The following USP14 variants were observed in gnomAD, a reference collection of about 807,000 sequenced individuals.
USP14 encodes the protein ubiquitin specific peptidase 14.
A neutral mutation model predicts 76.5 loss-of-function variants in USP14; 38 were observed. The observed-to-expected ratio is 0.50, with a 90% confidence interval of 0.38 to 0.65. The LOEUF is 0.65. Among genes scored for constraint, USP14 ranks in the 30% least tolerant of loss-of-function variants. USP14 has a pLI of 0.00. For synonymous variants in USP14, 192 were observed against 191.7 expected (o/e 1.00, Z -0.01); for missense variants, 467 against 586.5 (o/e 0.80, Z 2.10).
intron 3 of USP14, among the ~76,000 whole-genome samples, chr18:174,124 G>A (rs1909555150): frequency 6.6e-6 from 1 of 152,026 alleles, no homozygotes; most frequent in Non-Finnish European, 1.5e-5. Flanking sequence ...GAATTGCATT[G>A]AATCTGTATG....
At chr18:167,258 G>A (rs1474635726) in intron 3 of USP14, among the ~76,000 whole-genome samples, 3 of 152,124 alleles carry the variant, frequency 2.0e-5, no homozygotes, top group Admixed American at 1.3e-4. Context: ...CTCCAGCCTG[G>A]CAACAGAGCG....
Position 178,932 on chromosome 18 carries a change from G to T in USP14, c.196-1G>T. On this transcript the variant is annotated splice_acceptor_variant, in intron 3 of 15. Coordinates refer to ENST00000261601, the MANE Select transcript of USP14 (RefSeq NM_005151.4). LOFTEE classifies it high-confidence loss of function. Reference sequence around the variant, plus strand: ...CATGAAATTACTTTTTTTAAAAACAGGGAATGACTCTACTAATGATGGGGT... The same window carrying T: ...CATGAAATTACTTTTTTTAAAAACATGGAATGACTCTACTAATGATGGGGT... 1 of 1,598,212 alleles carries T rather than the reference G, an allele frequency of 6.3e-7. No homozygotes were observed. The highest frequency in any genetic ancestry group is 1.1e-5 in the South Asian group (1 of 87,748).
chr18:177,789 A>C (rs1398617676), intron 3 of USP14, among the ~76,000 whole-genome samples: 1 of 152,014 alleles, frequency 6.6e-6, no homozygotes. Flanking sequence ...TTGTCTTTCT[A>C]TTGATTGTAT....
Position 210,441 on chromosome 18 carries a change from G to T in USP14, c.1281G>T (p.Gln427His). ...ACTTACAAGCAGTACTAACACACCA[G>T]GGAAGGTCTAGTTCTTCAGGTCATT... ...YYDLQAVLTH[Q>H]GRSSSSGHYV... The change falls in exon 15 of 16, where the codon CAG becomes CAT. Residue 427 changes from glutamine to histidine, a missense_variant. Transcript: ENST00000261601. The T allele has an allele frequency of 6.2e-7, 1 of 1,612,318 alleles. No homozygotes were observed. Among genetic ancestry groups the T allele is most frequent in the Non-Finnish European group, 8.5e-7 (1 of 1,179,120 alleles).
chr18:167,121 C>T (rs1335239392), intron 3 of USP14, among the ~76,000 whole-genome samples: 10 of 151,814 alleles, frequency 6.6e-5, no homozygotes, highest in African/African-American at 1.9e-4. Flanking sequence ...TGGTGGTGCA[C>T]GCCTGTAATC....
intron 5 of USP14, among the ~76,000 whole-genome samples, chr18:192,581 A>C (rs1910120007): frequency 6.6e-6 from 1 of 152,210 alleles, no homozygotes; most frequent in Non-Finnish European, 1.5e-5. Flanking sequence ...ATAAAAAATA[A>C]AATAAAATGT....
chr18:210,250 T>C, intron 14 of USP14, 136 bp from the exon 15 acceptor site: 4 of 728,228 alleles, frequency 5.5e-6, no homozygotes, highest in Non-Finnish European at 8.9e-6. Context: ...GCCTTAACTA[T>C]GATTGGACAG....
At chr18:169,960 G>A (rs1321951997) in intron 3 of USP14, among the ~76,000 whole-genome samples, 1 of 151,858 alleles carries the variant, frequency 6.6e-6, no homozygotes, top group Non-Finnish European at 1.5e-5. Flanking sequence ...CCCTCTTCTC[G>A]AGCCTCCCTA....
intron 7 of USP14, 103 bp from the exon 8 acceptor site, chr18:197,513 G>A (rs1910269494): frequency 1.2e-6 from 1 of 864,860 alleles, no homozygotes; most frequent in African/African-American, 1.7e-5. Context: ...TATTTTTAAA[G>A]AAGGAAACCA....
intron 12 of USP14, among the ~76,000 whole-genome samples, chr18:203,616 C>CT (rs773356989): frequency 0.069 from 10,073 of 146,614 alleles, 346 homozygotes; most frequent in Non-Finnish European, 0.086. Context: ...TGGTTTCTTT[C>CT]TTTTTTTTTT....
At chr18:197,942 G>A (rs1910283318) in intron 8 of USP14, 105 bp from the exon 9 acceptor site, 1 of 953,470 alleles carries the variant, frequency 1.0e-6, no homozygotes, top group South Asian at 2.1e-5. Context: ...TTTACTGTAA[G>A]GGACTACATT....
intron 2 of USP14, among the ~76,000 whole-genome samples, 166 bp downstream of exon 2, chr18:163,619 G>A (rs1406510649): frequency 2.0e-5 from 3 of 152,010 alleles, no homozygotes; most frequent in African/African-American, 7.3e-5. Flanking sequence ...TTAGAGTAAG[G>A]GAGAAATATT....
At chr18:188,730 T>G (rs905092866) in intron 5 of USP14, among the ~76,000 whole-genome samples, 2 of 152,104 alleles carry the variant, frequency 1.3e-5, no homozygotes, top group African/African-American at 4.8e-5. Flanking sequence ...CAGGCTGGAG[T>G]GCAGTGGCAT....
intron 3 of USP14, among the ~76,000 whole-genome samples, chr18:170,410 T>C (rs544330229): frequency 8.5e-5 from 13 of 152,276 alleles, no homozygotes; most frequent in Non-Finnish European, 1.5e-4. Flanking sequence ...AAGCTAGAAA[T>C]GATTAAGCTT....
At position 211,046 on chromosome 18, in the gene USP14, C is replaced by T; in HGVS notation, c.1334-87C>T. The T allele has an allele frequency of 2.9e-6, 4 of 1,397,780 alleles. No homozygotes were observed. In the South Asian group the frequency reaches 5.4e-5, roughly 19 times the overall value. 86.6% of individuals were successfully genotyped at this position (1,397,780 alleles called of 1,614,324 possible). A position where few individuals can be genotyped will look rare whatever the true frequency, so the allele number is the denominator to read the frequency against. ...TGTGGCCAGTGGAGCACTGCTGTGC[C>T]TCCGATGACTTGATACTTTTTTTGC... On this transcript the variant is annotated intron_variant, in intron 15 of 15. Coordinates refer to ENST00000261601, the MANE Select transcript of USP14 (RefSeq NM_005151.4).
At chr18:190,887 A>G (rs181392637) in intron 5 of USP14, among the ~76,000 whole-genome samples, 2 of 152,136 alleles carry the variant, frequency 1.3e-5, no homozygotes, top group African/African-American at 4.8e-5. Flanking sequence ...ATGGTTTTAC[A>G]TGAATTAGGA....
chr18:158,600 C>G lies in USP14; in HGVS notation c.-99C>G. The G allele has an allele frequency of 7.4e-7, 1 of 1,350,418 alleles. No homozygotes were observed. The highest frequency in any genetic ancestry group is 1.0e-6 in the Non-Finnish European group (1 of 1,000,588). The allele number at this position is 1,350,418 out of a possible 1,614,324, so 83.7% of individuals were successfully genotyped here. A position where few individuals can be genotyped will look rare whatever the true frequency, so the allele number is the denominator to read the frequency against. On this transcript the variant is annotated 5_prime_UTR_variant, in exon 1 of 16. Transcript: ENST00000261601. Reference sequence around the variant, plus strand: ...CGAAGCCGCCGCCACCACCGCGCCTCCGCCTCGGCCGCCGCCGCAGCTGCT... The same window carrying G: ...CGAAGCCGCCGCCACCACCGCGCCTGCGCCTCGGCCGCCGCCGCAGCTGCT...
At chr18:202,810 G>A (rs185057299) in intron 10 of USP14, 70 bp from the exon 11 acceptor site, 12 of 1,491,100 alleles carry the variant, frequency 8.0e-6, no homozygotes, top group African/African-American at 2.8e-5. Flanking sequence ...AGGCTTACTG[G>A]TGTGATTCTA....
At chr18:174,268 C>CTT (rs34265974) in intron 3 of USP14, among the ~76,000 whole-genome samples, 23 of 130,542 alleles carry the variant, frequency 1.8e-4, no homozygotes, top group Middle Eastern at 3.8e-3. Context: ...GTTTTTCTTT[C>CTT]TTTTTTTTTT....
Sources: gnomAD v4.1 joint callset for allele counts (sites outside exome capture counted in the v4.1 genomes callset) on GRCh38, gnomAD v4.1.1 for gene constraint, MANE v1.5 for transcripts, NCBI Gene and HGNC (gene_info 2026-07-23, HGNC 2026-07-21) for gene names.